The following CTIF variants were observed in gnomAD, a reference collection of about 807,000 sequenced individuals.
CTIF encodes CBP80/20-dependent translation initiation factor.
In CTIF, 21 loss-of-function variants were observed where a neutral mutation model predicts 66.0. The observed-to-expected ratio is 0.32, with a 90% CI of 0.23 to 0.46. The LOEUF (loss-of-function observed/expected upper bound fraction) is 0.46, where lower values mean the gene tolerates loss of function less well. Ranked by LOEUF, CTIF falls within the 20% of genes least tolerant of loss-of-function variation. CTIF has a pLI of 1.00. For synonymous variants in CTIF, 345 were observed against 326.4 expected, an observed-to-expected ratio of 1.06 and a Z score of -0.62; for missense variants, 739 against 812.7, an observed-to-expected ratio of 0.91 and a Z score of 1.10.
chr18:48,573,820 C>T (rs929911066), intron 1 of CTIF, among the ~76,000 whole-genome samples: 4 of 152,198 alleles, frequency 2.6e-5, no homozygotes, highest in African/African-American at 9.6e-5. Flanking sequence ...GACGGGAAGG[C>T]AGCACACTGC....
intron 1 of CTIF, among the ~76,000 whole-genome samples, chr18:48,608,371 C>G (rs574411627): frequency 2.0e-5 from 3 of 152,136 alleles, no homozygotes; most frequent in African/African-American, 7.2e-5. Flanking sequence ...TTTAAAATAT[C>G]TAACTGGCTA....
At chr18:48,675,008 T>G (rs1251438914) in intron 6 of CTIF, among the ~76,000 whole-genome samples, 1 of 134,758 alleles carries the variant, frequency 7.4e-6, no homozygotes, top group Non-Finnish European at 1.5e-5. Context: ...CAGTTGAGAC[T>G]GACATTGCTC....
chr18:48,758,255 T>G lies in CTIF; in HGVS notation c.921T>G (p.Ala307=), dbSNP rs771351730. 1 of 1,613,508 alleles carries G rather than the reference T, an allele frequency of 6.2e-7. No individual in the cohort carries two copies. The highest frequency in any genetic ancestry group is 1.1e-5 in the South Asian group (1 of 91,062). ...PRSPDTLAPV[A]SERLPPQQSG... ...GCCCTGACACCCTGGCCCCGGTGGC[T>G]TCTGAGCGGCTGCCCCCACAGCAGT... is the stretch of plus-strand genomic sequence containing the variant. The change falls in exon 8 of 12, where the codon GCT becomes GCG. Residue 307 remains alanine (A), a synonymous_variant. Transcript: ENST00000256413.
intron 6 of CTIF, among the ~76,000 whole-genome samples, chr18:48,676,094 C>T (rs1300358808): frequency 2.0e-5 from 3 of 151,996 alleles, no homozygotes; most frequent in South Asian, 2.1e-4. Context: ...TGTGTGAAGT[C>T]GGCGCGACCA....
chr18:48,767,461 G>A lies in CTIF; in HGVS notation c.1371+5772G>A, dbSNP rs115002699. 6.3e-3 allele frequency among the ~76,000 whole-genome samples: 959 copies of A among 152,240 alleles called. 12 individuals carry two copies. The highest frequency in any genetic ancestry group is 0.022 in the African/African-American group (922 of 41,546). On this transcript the variant is annotated intron_variant, in intron 9 of 11. Transcript: ENST00000256413. ...AGTTCAAGCCCTCCTCTGTTGAAATGTGTGTGCTCTGTTTAGCCAAGAGGT... is the reference window on the plus strand; with the variant it reads ...AGTTCAAGCCCTCCTCTGTTGAAATATGTGTGCTCTGTTTAGCCAAGAGGT...
rs187012171 is a variant in CTIF, at chr18:48,685,731, G to C, written c.507+14987G>C. 2.2e-3 allele frequency among the ~76,000 whole-genome samples: 329 copies of C among 151,518 alleles called. 2 individuals carry two copies. The highest frequency in any genetic ancestry group is 7.3e-3 in the African/African-American group (301 of 41,250). On this transcript the variant is annotated intron_variant, in intron 6 of 11. Transcript: ENST00000256413. ...ATGCTCTGTTGCCCAGGCTGAAGTG[G>C]AGTGGTGCGATCTCAAGTCACTGCA...
chr18:48,624,458 A>G (rs2090557517), intron 2 of CTIF, among the ~76,000 whole-genome samples: 1 of 152,244 alleles, frequency 6.6e-6, no homozygotes, highest in African/African-American at 2.4e-5. Context: ...TCCTATAGAA[A>G]GAAAATTAGG....
chr18:48,614,898 G>GTTTTT (rs1401174419), intron 1 of CTIF, among the ~76,000 whole-genome samples: 161 of 152,052 alleles, frequency 1.1e-3, no homozygotes, highest in African/African-American at 3.6e-3. Context: ...TTGTTGTTTT[G>GTTTTT]TTTTGTTTTG....
intron 9 of CTIF, among the ~76,000 whole-genome samples, chr18:48,783,117 A>G (rs899827034): frequency 7.2e-5 from 11 of 152,330 alleles, no homozygotes; most frequent in South Asian, 4.1e-4. Flanking sequence ...GGAAAGGCTG[A>G]TGTCTTAGCT....
At chr18:48,700,712 T>C (rs989680413) in intron 6 of CTIF, among the ~76,000 whole-genome samples, 6 of 152,180 alleles carry the variant, frequency 3.9e-5, no homozygotes, top group African/African-American at 1.2e-4. Context: ...CTTCGAAGGG[T>C]GACCTCAGGC....
intron 1 of CTIF, among the ~76,000 whole-genome samples, chr18:48,600,178 G>A (rs556492157): frequency 2.0e-5 from 3 of 152,168 alleles, no homozygotes; most frequent in South Asian, 2.1e-4. Context: ...CAATAGATGC[G>A]CCCCATCATT....
At chr18:48,717,481 C>T (rs1173007079) in intron 7 of CTIF, among the ~76,000 whole-genome samples, 1 of 151,798 alleles carries the variant, frequency 6.6e-6, no homozygotes, top group Non-Finnish European at 1.5e-5. Flanking sequence ...CTTCCTCTGC[C>T]AACGTGAACC....
intron 1 of CTIF, among the ~76,000 whole-genome samples, chr18:48,618,875 T>C (rs1248845248): frequency 1.3e-5 from 2 of 152,240 alleles, no homozygotes; most frequent in South Asian, 2.1e-4. Context: ...CATATCAGCA[T>C]AGACAATGCA....
At position 48,861,565 on chromosome 18, in the gene CTIF, CT is replaced by C. The variant is rs1283934930; in HGVS notation, c.*2007del. ...CTGTGCTTCAGTGGCCCCTGCCCCC[CT>C]GAAGCATGTGGGGTTTGTCCGCTAG... On this transcript the variant is annotated 3_prime_UTR_variant, in exon 12 of 12. Coordinates refer to ENST00000256413, the MANE Select transcript of CTIF (RefSeq NM_014772.3). 2 of 152,460 alleles carry C rather than the reference CT, an allele frequency of 1.3e-5. No individual in the cohort carries two copies. The highest frequency in any genetic ancestry group is 2.4e-5 in the African/African-American group (1 of 41,472). 9.4% of individuals were successfully genotyped at this position (152,460 alleles called of 1,614,324 possible).
At chr18:48,580,587 A>T (rs904457560) in intron 1 of CTIF, among the ~76,000 whole-genome samples, 2 of 152,152 alleles carry the variant, frequency 1.3e-5, no homozygotes, top group African/African-American at 4.8e-5. Flanking sequence ...CCCATGACCC[A>T]TTGGTGGGAG....
At chr18:48,746,753 C>T (rs2092600004) in intron 7 of CTIF, among the ~76,000 whole-genome samples, 1 of 152,056 alleles carries the variant, frequency 6.6e-6, no homozygotes, top group Non-Finnish European at 1.5e-5. Flanking sequence ...GGCCCCTGAC[C>T]CAGGAGGGAG....
intron 1 of CTIF, among the ~76,000 whole-genome samples, chr18:48,543,431 C>G (rs1330610634): frequency 6.6e-6 from 1 of 152,126 alleles, no homozygotes; most frequent in Non-Finnish European, 1.5e-5. Context: ...CAGCTGCTTC[C>G]TTTCAGGTTT....
intron 9 of CTIF, among the ~76,000 whole-genome samples, chr18:48,762,016 C>T (rs1324411898): frequency 2.0e-5 from 3 of 152,238 alleles, no homozygotes; most frequent in African/African-American, 7.2e-5. Flanking sequence ...GACCTCTCTA[C>T]ATCCAAGCAG....
chr18:48,593,197 C>T (rs1307200438), intron 1 of CTIF, among the ~76,000 whole-genome samples: 14 of 152,130 alleles, frequency 9.2e-5, no homozygotes, highest in Admixed American at 8.5e-4. Context: ...CCGGGAGACC[C>T]TCAGCTGGGG....
Sources: gnomAD v4.1 joint callset for allele counts (sites outside exome capture counted in the v4.1 genomes callset) on GRCh38, gnomAD v4.1.1 for gene constraint, MANE v1.5 for transcripts, NCBI Gene and HGNC (gene_info 2026-07-23, HGNC 2026-07-21) for gene names.